USP6: variants seen among roughly 807,000 people sequenced by gnomAD.
USP6 encodes ubiquitin carboxyl-terminal hydrolase 6.
USP6 carries 128 observed loss-of-function variants against 175.7 expected under a neutral mutation model. The ratio of observed to expected loss-of-function variants is 0.73; its 90% confidence interval spans 0.63 to 0.84. The LOEUF is 0.84. Among genes scored for constraint, USP6 ranks in the 40% least tolerant of loss-of-function variants. The pLI is 0.00. For synonymous variants in USP6, 562 were observed against 630.6 expected, an observed-to-expected ratio of 0.89 and a Z score of 1.63; for missense variants, 1,498 against 1,760.3, an observed-to-expected ratio of 0.85 and a Z score of 2.67.
In USP6 at chr17:5,168,885, C is replaced by T; in HGVS notation, c.3347C>T (p.Ala1116Val). Reference protein sequence around the residue: ...PSAFLVPRDPALCQHKPLTPQ... With the variant: ...PSAFLVPRDPVLCQHKPLTPQ... Reference sequence around the variant, plus strand: ...GCTTTTTTGGTACCACGAGACCCGGCCCTCTGCCAGCATAAACCACTCACA... The same window carrying T: ...GCTTTTTTGGTACCACGAGACCCGGTCCTCTGCCAGCATAAACCACTCACA... Residue 1116 changes from alanine to valine, a missense_variant, in exon 35 of 38, where the codon GCC (alanine) becomes GTC (valine). Ala to Val is a moderately conservative substitution (Grantham distance 64). Around this residue, in one of 2 missense-constraint regions of USP6, gnomAD observed 1,217 missense variants for 1,500.8 expected, o/e 0.81. Coordinates refer to ENST00000574788, the MANE Select transcript of USP6 (RefSeq NM_001304284.2). The T allele has an allele frequency of 6.2e-7, 1 of 1,613,884 alleles. No homozygotes were observed. The highest frequency in any genetic ancestry group is 8.5e-7 in the Non-Finnish European group (1 of 1,179,850).
intron 32 of USP6, among the ~76,000 whole-genome samples, chr17:5,162,659 T>C (rs1227826751): frequency 6.6e-6 from 1 of 152,166 alleles, no homozygotes; most frequent in Non-Finnish European, 1.5e-5. Context: ...ATCAAGTACT[T>C]TGTAAAAATA....
intron 1 of USP6, among the ~76,000 whole-genome samples, chr17:5,117,502 C>T (rs533204382): frequency 1.3e-3 from 184 of 142,110 alleles, no homozygotes; most frequent in African/African-American, 4.5e-3. Context: ...GGCGACAGAG[C>T]GAGACTCCGT....
At chr17:5,139,141 A>G in intron 21 of USP6, 114 bp from the exon 22 acceptor site, 1 of 1,597,766 alleles carries the variant, frequency 6.3e-7, no homozygotes, top group Non-Finnish European at 8.5e-7. Context: ...GTGTCAGACC[A>G]CAGGGGCCAC....
At position 5,145,452 on chromosome 17, in the gene USP6, G is replaced by C; in HGVS notation, c.2040G>C (p.Leu680Phe). ...LRRNRSIIVD[L>F]FHGQLRSQVK... ...GAAATAGATCAATTATTGTGGATTT[G>C]TTCCATGGGCAGCTAAGATCTCAAG... Residue 680 changes from leucine (L) to phenylalanine (F), a missense_variant, in exon 27 of 38, where the codon TTG becomes TTC. Leu to Phe is a conservative substitution (Grantham distance 22, BLOSUM62 0). Transcript: ENST00000574788. The C allele has an allele frequency of 6.2e-7, 1 of 1,612,734 alleles. No individual in the cohort carries two copies. Among genetic ancestry groups the C allele is most frequent in the Admixed American group, 1.7e-5 (1 of 59,778 alleles).
At chr17:5,141,543 A>AT (rs375375972) in intron 23 of USP6, 44 bp downstream of exon 23, 21 of 1,500,058 alleles carry the variant, frequency 1.4e-5, no homozygotes, top group East Asian at 2.5e-5. Context: ...TTTTAAATGT[A>AT]TTTTTTTTCT....
In USP6 at chr17:5,168,951, G is replaced by A; in HGVS notation, c.3413G>A (p.Arg1138Lys). ...CTCTCCAAGCCCAGGATTCTGGCAA[G>A]AGAGGTGAAGAAAGTGGATGCGCAG... ...DELSKPRILAREVKKVDAQSS... is the reference protein window; with the variant it reads ...DELSKPRILAKEVKKVDAQSS... Residue 1138 changes from arginine (R) to lysine (K), a missense_variant, in exon 35 of 38, where the codon AGA (arginine) becomes AAA (lysine). Around this residue, in one of 2 missense-constraint regions of USP6, gnomAD observed 1,217 missense variants for 1,500.8 expected, o/e 0.81. Coordinates refer to ENST00000574788, the MANE Select transcript of USP6 (RefSeq NM_001304284.2). The A allele has an allele frequency of 6.2e-7, 1 of 1,614,004 alleles. No homozygotes were observed. The highest frequency in any genetic ancestry group is 2.2e-5 in the East Asian group (1 of 44,880).
intron 34 of USP6, 45 bp from the exon 35 acceptor site, chr17:5,168,722 C>T: frequency 6.6e-7 from 1 of 1,517,876 alleles, no homozygotes; most frequent in Non-Finnish European, 8.8e-7. Context: ...AATTTTGTAT[C>T]TTCAGAACCC....
At position 5,130,584 on chromosome 17, in the gene USP6, G is replaced by A. The variant is rs199891546; in HGVS notation, c.73-18G>A. 3 of 1,613,232 alleles carry A rather than the reference G, an allele frequency of 1.9e-6. No homozygotes were observed. Among genetic ancestry groups the A allele is most frequent in the Admixed American group, 1.7e-5 (1 of 59,994 alleles). ...CCTTTACCTTGGACCCCTCACCAAGGCTCCCTCTGGGTTACAGGGACACCG... is the reference window on the plus strand; with the variant it reads ...CCTTTACCTTGGACCCCTCACCAAGACTCCCTCTGGGTTACAGGGACACCG... On this transcript the variant is annotated intron_variant, in intron 10 of 37. Coordinates refer to ENST00000574788, the MANE Select transcript of USP6 (RefSeq NM_001304284.2).
rs199760911 is a variant in USP6, at chr17:5,131,736, G to GTC, written c.156-659_156-658insCT. Among the ~76,000 whole-genome samples the GTC allele has an allele frequency of 1.8e-3, 266 of 151,702 alleles. 5 individuals are homozygous for GTC. The East Asian group carries it at 0.034, about 20-fold the overall frequency. On this transcript the variant is annotated intron_variant, in intron 11 of 37. Coordinates refer to ENST00000574788, the MANE Select transcript of USP6 (RefSeq NM_001304284.2). ...GTGCTGGGAAGGGATCTGGGGCCAG[G>GTC]TAAGAGGAGCCCAGCCAGGAGCCCA...
rs959821319 is a variant in USP6 at position 5,173,779 on chromosome 17, C to T, written c.*801C>T. On this transcript the variant is annotated 3_prime_UTR_variant, in exon 38 of 38. Transcript: ENST00000574788. ...AATGTATTCTGCACCCCCGGCCCCG[C>T]CCATGCTGAGGGAAGGGGAGCAGTT... The T allele has an allele frequency of 1.4e-5, 3 of 222,180 alleles. No homozygotes were observed. The highest frequency in any genetic ancestry group is 2.7e-5 in the Non-Finnish European group (3 of 110,834). 13.8% of individuals were successfully genotyped at this position (222,180 alleles called of 1,614,324 possible). A position where few individuals can be genotyped will look rare whatever the true frequency, so the allele number is the denominator to read the frequency against.
intron 7 of USP6, 161 bp from the exon 8 acceptor site, chr17:5,128,791 A>C (rs2072971244): frequency 6.5e-6 from 1 of 152,686 alleles, no homozygotes; most frequent in African/African-American, 2.4e-5. Flanking sequence ...CTTAGCACCT[A>C]TCCGCTCTCC....
intron 32 of USP6, among the ~76,000 whole-genome samples, chr17:5,161,833 A>G (rs1403366929): frequency 6.6e-6 from 1 of 152,128 alleles, no homozygotes; most frequent in Admixed American, 6.5e-5. Context: ...CTAACCTGGT[A>G]AAACCCCATC....
Position 5,121,651 on chromosome 17 carries a change from A to G in USP6, c.-1398A>G. 6.3e-6 allele frequency: 1 copy of G among 160,000 alleles called. No homozygotes were observed. The highest frequency in any genetic ancestry group is 1.4e-5 in the Non-Finnish European group (1 of 71,992). The allele number at this position is 160,000 out of a possible 1,614,324, so 9.9% of individuals were successfully genotyped here. On this transcript the variant is annotated 5_prime_UTR_variant, in exon 4 of 38. Coordinates refer to ENST00000574788, the MANE Select transcript of USP6 (RefSeq NM_001304284.2). The stretch of plus-strand genomic sequence containing the variant: ...CTGTGCGAGCTCTGCTGCGACGCGG[A>G]GCACCAGGACCATGAGCACCAGGTC...
chr17:5,149,593 A>G (rs1056280358), intron 30 of USP6, among the ~76,000 whole-genome samples: 1 of 152,068 alleles, frequency 6.6e-6, no homozygotes, highest in African/African-American at 2.4e-5. Context: ...ACAAAAACCA[A>G]CACACACAAA....
chr17:5,169,446 G>A (rs766971465), intron 35 of USP6, among the ~76,000 whole-genome samples: 6 of 151,854 alleles, frequency 4.0e-5, no homozygotes, highest in Non-Finnish European at 7.4e-5. Context: ...TTTATTTTTT[G>A]TTTTTTTGAG....
chr17:5,134,840 G>C (rs2073198660), intron 15 of USP6: 1 of 317,596 alleles, frequency 3.1e-6, no homozygotes, highest in African/African-American at 2.2e-5. Flanking sequence ...TGACGGATCG[G>C]GGAGAGGCTG....
Position 5,130,402 on chromosome 17 carries a change from C to T in USP6, c.35C>T (p.Ala12Val). ...DMVENADSLQ[A>V]QERKDILMKY... The stretch of plus-strand genomic sequence containing the variant: ...GTAGAGAATGCAGATAGTTTGCAGG[C>T]ACAGGAGCGGAAGGACATACTTATG... The change falls in exon 10 of 38, where the codon GCA becomes GTA. Residue 12 changes from alanine (A) to valine (V), a missense_variant. Transcript: ENST00000574788. 1 of 1,614,140 alleles carries T rather than the reference C, an allele frequency of 6.2e-7. No homozygotes were observed. Among genetic ancestry groups the T allele is most frequent in the Non-Finnish European group, 8.5e-7 (1 of 1,180,022 alleles).
chr17:5,140,453 G>A (rs1433134187), intron 22 of USP6, among the ~76,000 whole-genome samples: 1 of 152,110 alleles, frequency 6.6e-6, no homozygotes, highest in East Asian at 1.9e-4. Flanking sequence ...TGTGCCTATA[G>A]TCCCACCTAG....
At chr17:5,124,466 G>A (rs1181891796) in intron 4 of USP6, 100 bp from the exon 5 acceptor site, 2 of 152,374 alleles carry the variant, frequency 1.3e-5, no homozygotes, top group East Asian at 3.8e-4. Flanking sequence ...GGCATGGATG[G>A]ATTCCTGTCT....
Sources: gnomAD v4.1 joint callset for allele counts (sites outside exome capture counted in the v4.1 genomes callset) on GRCh38, gnomAD v4.1.1 for gene constraint, gnomAD v4.1.1 regional missense constraint, MANE v1.5 for transcripts, NCBI Gene and HGNC (gene_info 2026-07-23, HGNC 2026-07-21) for gene names.